Variants in PDXDC1 observed in about 807,000 individuals in gnomAD.
The protein encoded by PDXDC1 is pyridoxal-dependent decarboxylase domain-containing protein 1.
Under a neutral mutation model 100.1 loss-of-function variants are expected in PDXDC1, and 42 were observed. The observed-to-expected ratio is 0.42, with a 90% CI of 0.33 to 0.54. PDXDC1 has a LOEUF of 0.54. Ranked by LOEUF, PDXDC1 falls within the 20% of genes least tolerant of loss-of-function variation. The pLI, the probability that PDXDC1 is intolerant of heterozygous loss-of-function variation, is 0.10. For synonymous variants in PDXDC1, 260 were observed against 371.7 expected (o/e 0.70, Z 3.46); for missense variants, 636 against 979.2 (o/e 0.65, Z 4.68).
At chr16:15,128,702 C>T (rs1201099586) in intron 16 of PDXDC1, among the ~76,000 whole-genome samples, 1 of 152,156 alleles carries the variant, frequency 6.6e-6, no homozygotes, top group Non-Finnish European at 1.5e-5. Flanking sequence ...TCAGTCACGC[C>T]ACAACCAGTG....
intron 8 of PDXDC1, among the ~76,000 whole-genome samples, chr16:15,012,880 TATA>T (rs2041442434): frequency 6.6e-6 from 1 of 151,270 alleles, no homozygotes. Context: ...TTCTTTAAAA[TATA>T]ATGTCAGGCC....
intron 16 of PDXDC1, among the ~76,000 whole-genome samples, chr16:15,048,501 T>G (rs2044170999): frequency 6.8e-6 from 1 of 148,042 alleles, no homozygotes; most frequent in South Asian, 2.2e-4. Context: ...ATTACAGGCA[T>G]GACCCACCAC....
downstream of PDXDC1, chr16:15,041,754 C>T (rs1228347425): frequency 1.9e-6 from 2 of 1,037,712 alleles, no homozygotes; most frequent in Non-Finnish European, 3.0e-6. Context: ...AAGCCAACGA[C>T]AGGGAGGGAC....
At chr16:15,092,589 T>C (rs775408885) in intron 16 of PDXDC1, 1 of 1,612,236 alleles carries the variant, frequency 6.2e-7, no homozygotes, top group South Asian at 1.1e-5. Context: ...AAAAAGTCAT[T>C]CTCTAATGCA....
chr16:15,036,307 T>G lies in PDXDC1; in HGVS notation c.*32T>G. On this transcript the variant is annotated 3_prime_UTR_variant, in exon 23 of 23. Transcript: ENST00000396410. ...TTGTGTGGTTTGAGACTGTACTGAGTATTGTTTCAGGGAAGATGAAGTTCT... is the reference window on the plus strand; with the variant it reads ...TTGTGTGGTTTGAGACTGTACTGAGGATTGTTTCAGGGAAGATGAAGTTCT... 1 of 1,571,500 alleles carries G rather than the reference T, an allele frequency of 6.4e-7. No homozygotes were observed. Among genetic ancestry groups the G allele is most frequent in the Non-Finnish European group, 8.7e-7 (1 of 1,151,810 alleles).
intron 16 of PDXDC1, chr16:15,061,660 G>C (rs1489784258): frequency 7.4e-7 from 1 of 1,346,484 alleles, no homozygotes; most frequent in African/African-American, 1.4e-5. Flanking sequence ...TGCCATCAAT[G>C]CCCAATGGCA....
intron 1 of PDXDC1, among the ~76,000 whole-genome samples, chr16:14,984,476 C>CATATATATATATATATATATAT (rs749990542): frequency 1.1e-4 from 10 of 92,688 alleles, no homozygotes; most frequent in East Asian, 1.2e-3. Flanking sequence ...TGTGTGTATA[C>CATATATATATATATATATATAT]ATATATATAT....
chr16:14,993,164 T>C (rs1226593035), intron 1 of PDXDC1, among the ~76,000 whole-genome samples: 1 of 152,288 alleles, frequency 6.6e-6, no homozygotes, highest in Non-Finnish European at 1.5e-5. Flanking sequence ...AATTATACTT[T>C]AATTTTTAGG....
chr16:15,128,583 C>T (rs2047883394), intron 16 of PDXDC1, among the ~76,000 whole-genome samples: 1 of 152,114 alleles, frequency 6.6e-6, no homozygotes, highest in Non-Finnish European at 1.5e-5. Flanking sequence ...ACCTCAAGGA[C>T]ATGATTAAGT....
chr16:14,999,559 A>G (rs1370050832), intron 3 of PDXDC1, among the ~76,000 whole-genome samples: 5 of 152,232 alleles, frequency 3.3e-5, no homozygotes, highest in African/African-American at 1.2e-4. Context: ...TAAAAGTGAT[A>G]TACAAATTCA....
At chr16:15,099,728 C>A (rs1377262298) in intron 16 of PDXDC1, among the ~76,000 whole-genome samples, 1 of 152,130 alleles carries the variant, frequency 6.6e-6, no homozygotes, top group East Asian at 1.9e-4. Flanking sequence ...CACAGTGTGG[C>A]CTTTCACTTC....
chr16:15,044,256 A>G (rs1390207658), intron 16 of PDXDC1: 17 of 963,224 alleles, frequency 1.8e-5, no homozygotes, highest in Non-Finnish European at 2.6e-5. Flanking sequence ...TTTTGTACCA[A>G]TTGGGATTTT....
intron 1 of PDXDC1, chr16:14,989,483 G>T (rs1597325938): frequency 6.2e-7 from 1 of 1,611,426 alleles, no homozygotes; most frequent in East Asian, 2.2e-5. Context: ...TGGGGGCTGG[G>T]CCGGCAGTGG....
At chr16:15,146,876 G>A in the PDXDC1 span, among the ~76,000 whole-genome samples, 1 of 152,014 alleles carries the variant, frequency 6.6e-6, no homozygotes, top group East Asian at 1.9e-4. Context: ...TGCCCTGCAG[G>A]GTGCATCTAA....
At chr16:15,098,095 G>A (rs1290763418) in intron 16 of PDXDC1, among the ~76,000 whole-genome samples, 2 of 150,894 alleles carry the variant, frequency 1.3e-5, no homozygotes, top group Admixed American at 1.3e-4. Context: ...CTTGTATCAT[G>A]TCCTGATGTA....
In PDXDC1 at chr16:15,035,542, A is replaced by G. The variant is rs1175477924; in HGVS notation, c.2096A>G (p.Gln699Arg). Residue 699 changes from glutamine (Q) to arginine (R), a missense_variant, in exon 22 of 23, where the codon CAG (glutamine) becomes CGG (arginine). Transcript: ENST00000396410. Reference protein sequence around the residue: ...PPTPSGSRTKQRLPGQKPFKR... With the variant: ...PPTPSGSRTKRRLPGQKPFKR... ...ACGCCCTCGGGCAGTCGCACCAAGC[A>G]GAGGCTTCCAGGTAAGTGACGCCTC... The G allele has an allele frequency of 1.2e-6, 2 of 1,606,838 alleles. No homozygotes were observed. Among genetic ancestry groups the G allele is most frequent in the Admixed American group, 1.7e-5 (1 of 59,730 alleles).
chr16:15,035,516 A>G lies in PDXDC1; in HGVS notation c.2070A>G (p.Pro690=). ...AAGGTGCAGGAGTCACGCTGCCTCC[A>G]ACGCCCTCGGGCAGTCGCACCAAGC... The part of the protein sequence containing the change: ...KAQGAGVTLP[P]TPSGSRTKQR... Residue 690 remains proline, a synonymous_variant, in exon 22 of 23, where the codon CCA becomes CCG. Transcript: ENST00000396410. 6.2e-7 allele frequency: 1 copy of G among 1,612,592 alleles called. No homozygotes were observed.
the PDXDC1 span, among the ~76,000 whole-genome samples, chr16:15,146,457 T>C: frequency 2.6e-5 from 4 of 152,132 alleles, no homozygotes; most frequent in African/African-American, 9.7e-5. Flanking sequence ...CTCGCGGCTC[T>C]GCCAATACTT....
intron 16 of PDXDC1, chr16:15,094,231 C>A: frequency 6.3e-7 from 1 of 1,585,822 alleles, no homozygotes; most frequent in South Asian, 1.1e-5. Context: ...GCGGTGCCGC[C>A]ATTGGGCCGA....
Sources: gnomAD v4.1 joint callset for allele counts (sites outside exome capture counted in the v4.1 genomes callset) on GRCh38, gnomAD v4.1.1 for gene constraint, MANE v1.5 for transcripts, NCBI Gene and HGNC (gene_info 2026-07-23, HGNC 2026-07-21) for gene names.